The following NRXN3 variants were observed in gnomAD, a reference collection of about 807,000 sequenced individuals.
The protein encoded by NRXN3 is neurexin III.
In NRXN3, 32 loss-of-function variants were observed where a neutral mutation model predicts 137.6. The ratio of observed to expected loss-of-function variants is 0.23; its 90% CI spans 0.18 to 0.31. The LOEUF is 0.31. NRXN3 is among the 10% of genes least tolerant of loss of function. The probability of loss-of-function intolerance (pLI) is 1.00; values close to 1 mark genes in which losing one functional copy is unlikely to be tolerated. For missense variants in NRXN3, 1,574 were observed against 2,062.5 expected (o/e 0.76, Z 4.59); for synonymous variants, 798 against 784.5 (o/e 1.02, Z -0.29).
At chr14:79,495,952 AAAAAAAACAAAAAAC>A (rs1324058534) in intron 16 of NRXN3, among the ~76,000 whole-genome samples, 2 of 151,630 alleles carry the variant, frequency 1.3e-5, no homozygotes, top group African/African-American at 2.4e-5. Context: ...AGTGCTAAAA[AAAAAAAACAAAAAAC>A]AAAAAAACAA....
intron 15 of NRXN3, among the ~76,000 whole-genome samples, chr14:79,257,520 G>GTGA (rs2076893786): frequency 1.8e-4 from 2 of 10,906 alleles, no homozygotes; most frequent in African/African-American, 4.5e-4. Flanking sequence ...AGTGATGGTG[G>GTGA]TGGTGGTGGT....
At chr14:79,132,024 GCC>G (rs1039978803) in intron 15 of NRXN3, among the ~76,000 whole-genome samples, 1 of 152,244 alleles carries the variant, frequency 6.6e-6, no homozygotes, top group African/African-American at 2.4e-5. Flanking sequence ...GCAATGCCTC[GCC>G]CTGCTTCAGC....
chr14:79,140,506 A>C (rs1036765499), intron 15 of NRXN3, among the ~76,000 whole-genome samples: 1 of 151,980 alleles, frequency 6.6e-6, no homozygotes, highest in East Asian at 1.9e-4. Flanking sequence ...TCCTGAGTAT[A>C]AGTGGATAAT....
intron 6 of NRXN3, among the ~76,000 whole-genome samples, chr14:78,700,930 C>G (rs2098272148): frequency 6.6e-6 from 1 of 152,116 alleles, no homozygotes; most frequent in African/African-American, 2.4e-5. Flanking sequence ...CACCACCATG[C>G]CTGGCTAATT....
chr14:78,888,533 T>G (rs937477459), intron 10 of NRXN3, among the ~76,000 whole-genome samples: 1 of 152,030 alleles, frequency 6.6e-6, no homozygotes, highest in African/African-American at 2.4e-5. Context: ...TCAGGGAAAC[T>G]AAGTTTTCCT....
intron 4 of NRXN3, among the ~76,000 whole-genome samples, chr14:78,314,877 C>CAT (rs2078385194): frequency 1.2e-5 from 1 of 82,208 alleles, no homozygotes; most frequent in African/African-American, 5.2e-5. Context: ...TTTTCTTTTC[C>CAT]GTTCTTTCTT....
chr14:79,097,990 C>T (rs1298403317), intron 15 of NRXN3, among the ~76,000 whole-genome samples: 1 of 152,072 alleles, frequency 6.6e-6, no homozygotes, highest in Non-Finnish European at 1.5e-5. Flanking sequence ...GAAGGGATAC[C>T]CCAACAAAGT....
intron 5 of NRXN3, among the ~76,000 whole-genome samples, chr14:78,648,194 G>A (rs2097705547): frequency 6.6e-6 from 1 of 152,262 alleles, no homozygotes; most frequent in African/African-American, 2.4e-5. Context: ...CCAAGGTAGT[G>A]AGGAATTTGT....
At chr14:78,592,107 C>T (rs1423519783) in intron 4 of NRXN3, among the ~76,000 whole-genome samples, 1 of 152,112 alleles carries the variant, frequency 6.6e-6, no homozygotes, top group African/African-American at 2.4e-5. Context: ...ATGCATTATT[C>T]TTTAGGTAAT....
intron 3 of NRXN3, among the ~76,000 whole-genome samples, chr14:78,293,827 A>G (rs1177116498): frequency 1.3e-5 from 2 of 152,128 alleles, no homozygotes; most frequent in African/African-American, 2.4e-5. Flanking sequence ...TTTTCCTTAT[A>G]TGAACTATGC....
chr14:78,251,899 T>C (rs2068688375), intron 2 of NRXN3, among the ~76,000 whole-genome samples: 1 of 152,054 alleles, frequency 6.6e-6, no homozygotes, highest in African/African-American at 2.4e-5. Context: ...TGCTGGGAAC[T>C]GTGTTGCAGG....
intron 4 of NRXN3, among the ~76,000 whole-genome samples, chr14:78,603,074 A>G (rs143280729): frequency 9.2e-5 from 14 of 152,196 alleles, no homozygotes; most frequent in African/African-American, 2.7e-4. Context: ...GAGAGGTAGT[A>G]GACAGTGGAG....
chr14:78,199,418 A>G (rs551030586), intron 1 of NRXN3, among the ~76,000 whole-genome samples: 1 of 152,216 alleles, frequency 6.6e-6, no homozygotes, highest in South Asian at 2.1e-4. Context: ...AACATTTATT[A>G]TGCACTTACT....
chr14:78,415,106 G>T (rs1031679976), intron 4 of NRXN3, among the ~76,000 whole-genome samples: 6 of 152,182 alleles, frequency 3.9e-5, no homozygotes, highest in African/African-American at 1.4e-4. Flanking sequence ...TTGAGAAACA[G>T]CTCTAAGATT....
At chr14:78,992,793 G>A (rs1328486501) in intron 15 of NRXN3, among the ~76,000 whole-genome samples, 4 of 152,158 alleles carry the variant, frequency 2.6e-5, no homozygotes, top group East Asian at 1.9e-4. Flanking sequence ...ACAATTTGGG[G>A]GTTTGGTTAT....
chr14:78,550,220 C>T (rs1418452390), intron 4 of NRXN3, among the ~76,000 whole-genome samples: 1 of 151,860 alleles, frequency 6.6e-6, no homozygotes, highest in African/African-American at 2.4e-5. Context: ...ATTTTTGTAG[C>T]GACAGGGATT....
At chr14:78,574,016 G>C (rs1358111288) in intron 4 of NRXN3, among the ~76,000 whole-genome samples, 2 of 152,336 alleles carry the variant, frequency 1.3e-5, no homozygotes, top group African/African-American at 4.8e-5. Context: ...CATCCCAGCT[G>C]TGGCTAAAAG....
At chr14:79,782,557 TA>T (rs1264401158) in intron 19 of NRXN3, among the ~76,000 whole-genome samples, 1 of 152,216 alleles carries the variant, frequency 6.6e-6, no homozygotes. Flanking sequence ...TTGTTTCATT[TA>T]TCTGGCATGC....
chr14:79,836,777 G>A (rs1438959212), intron 20 of NRXN3, among the ~76,000 whole-genome samples: 6 of 152,124 alleles, frequency 3.9e-5, no homozygotes, highest in African/African-American at 1.2e-4. Context: ...ATGCTGGATG[G>A]AAAATTTGTC....
Sources: allele counts gnomAD v4.1 joint callset (sites outside exome capture counted in the v4.1 genomes callset), GRCh38; gene constraint gnomAD v4.1.1; transcripts MANE v1.5; gene names NCBI Gene and HGNC (gene_info 2026-07-23, HGNC 2026-07-21).